Variants in VAMP1 observed in about 807,000 individuals in gnomAD.
The protein encoded by VAMP1 is vesicle associated membrane protein 1.
Under a neutral mutation model 19.1 loss-of-function variants are expected in VAMP1, and 16 were observed. That is an observed-to-expected ratio of 0.84 (90% CI 0.57 to 1.27). VAMP1 has a LOEUF of 1.27. Ranked by LOEUF, VAMP1 falls within the 50% of genes most tolerant of loss-of-function variation. The probability of loss-of-function intolerance (pLI) is 0.00; values close to 1 mark genes in which losing one functional copy is unlikely to be tolerated. For synonymous variants in VAMP1, 37 were observed against 50.2 expected, an observed-to-expected ratio of 0.74 and a Z score of 1.11; for missense variants, 109 against 145.4, an observed-to-expected ratio of 0.75 and a Z score of 1.29.
At chr12:6,465,466 A>AGTGTGT (rs72418260) in intron 3 of VAMP1, 27,488 of 103,034 alleles carry the variant, frequency 0.27, 4,423 homozygotes, top group East Asian at 0.42. Flanking sequence ...GTGTATATAT[A>AGTGTGT]GTGTGTGTGT....
chr12:6,465,719 A>G, intron 3 of VAMP1, 123 bp downstream of exon 3: 7 of 1,339,926 alleles, frequency 5.2e-6, no homozygotes, highest in Non-Finnish European at 7.0e-6. Flanking sequence ...TTTCCTCCCA[A>G]GCGTTATGCT....
intron 2 of VAMP1, 28 bp downstream of exon 2, chr12:6,466,197 A>G (rs777205909): frequency 1.2e-6 from 2 of 1,613,892 alleles, no homozygotes; most frequent in Non-Finnish European, 1.7e-6. Flanking sequence ...AGATTTGGAA[A>G]CTTTCAGAGA....
At chr12:6,465,275 G>A in intron 3 of VAMP1, 1 of 415,310 alleles carries the variant, frequency 2.4e-6, no homozygotes, top group Non-Finnish European at 4.7e-6. Flanking sequence ...ACTGTGAAGT[G>A]TTCAGCTCAT....
Position 6,463,339 on chromosome 12 carries a change from G to A in VAMP1, c.*1131C>T. 1.7e-6 allele frequency: 2 copies of A among 1,170,684 alleles called. No individual in the cohort carries two copies. The highest frequency in any genetic ancestry group is 2.1e-6 in the Non-Finnish European group (2 of 940,884). The allele number at this position is 1,170,684 out of a possible 1,614,324, so 72.5% of individuals were successfully genotyped here. A position where few individuals can be genotyped will look rare whatever the true frequency, so the allele number is the denominator to read the frequency against. On this transcript the variant is annotated 3_prime_UTR_variant, in exon 5 of 5. Coordinates refer to ENST00000396308, the MANE Select transcript of VAMP1 (RefSeq NM_014231.5). This position sits in a 1 kb window ranked among gnomAD's most constrained non-coding sequence, Gnocchi z 4.0. Reference sequence around the variant, plus strand: ...CACGCCTCCCCCCAAGGTGGGGCTGGTGGGTCTACATGACTTCTCTGCATC... The same window carrying A: ...CACGCCTCCCCCCAAGGTGGGGCTGATGGGTCTACATGACTTCTCTGCATC...
rs1945749421 is a variant in VAMP1 at position 6,470,596 on chromosome 12, G to A, written c.-65C>T. On this transcript the variant is annotated 5_prime_UTR_variant, in exon 1 of 5. Coordinates refer to ENST00000396308, the MANE Select transcript of VAMP1 (RefSeq NM_014231.5). ...GGCTGCGGCGAGACACCCGGTGAGG[G>A]ACGCTGCGGCTGAAGTGGACGGAAC... The A allele has an allele frequency of 1.1e-5, 18 of 1,606,224 alleles. No individual in the cohort carries two copies. Among genetic ancestry groups the A allele is most frequent in the Non-Finnish European group, 1.4e-5 (17 of 1,174,120 alleles).
rs373183162 is a variant in VAMP1 at position 6,462,448 on chromosome 12, C to T, written c.*2022G>A. 2 of 493,680 alleles carry T rather than the reference C, an allele frequency of 4.1e-6. No individual in the cohort carries two copies. The highest frequency in any genetic ancestry group is 6.5e-5 in the East Asian group (2 of 30,662). The allele number at this position is 493,680 out of a possible 1,614,324, so 30.6% of individuals were successfully genotyped here. A position where few individuals can be genotyped will look rare whatever the true frequency, so the allele number is the denominator to read the frequency against. The stretch of plus-strand genomic sequence containing the variant: ...AAACCGAAGAACGGGATGTGGGAAG[C>T]TCAGCTTCATTTGACTGCAAAGTCC... On this transcript the variant is annotated 3_prime_UTR_variant, in exon 5 of 5. Transcript: ENST00000396308.
At chr12:6,470,420 C>G (rs1215288552) in intron 1 of VAMP1, 110 bp downstream of exon 1, 3 of 1,521,722 alleles carry the variant, frequency 2.0e-6, no homozygotes, top group African/African-American at 2.8e-5. Flanking sequence ...GTGGTAGTTC[C>G]CCGCGTTGCT....
rs750911197 is a variant in VAMP1, at chr12:6,466,287, CA to C, written c.66del (p.Gly23AlafsTer6). On this transcript the variant is annotated frameshift_variant, in exon 2 of 5. Coordinates refer to ENST00000396308, the MANE Select transcript of VAMP1 (RefSeq NM_014231.5). LOFTEE classifies it high-confidence loss of function. Reference sequence around the variant, plus strand: ...TTACTGGTCATGTTAGGAGGAGGGCCAGGGGGACCCCCACCTGGGGCAGTCC... The same window carrying C: ...TTACTGGTCATGTTAGGAGGAGGGCCGGGGGACCCCCACCTGGGGCAGTCC... ...TEGTAPGGGPPGPPPNMTSNR... is the reference protein window; with the variant it reads ...TEGTAPGGGPXGPPPNMTSNR... The C allele has an allele frequency of 2.5e-6, 4 of 1,614,188 alleles. No homozygotes were observed. Among genetic ancestry groups the C allele is most frequent in the Non-Finnish European group, 3.4e-6 (4 of 1,180,016 alleles).
In VAMP1 at chr12:6,462,631, G is replaced by A; in HGVS notation, c.*1839C>T. On this transcript the variant is annotated 3_prime_UTR_variant, in exon 5 of 5. Transcript: ENST00000396308. ...AACTACACCTGGTGAGCCTCAGAGG[G>A]ACAGAAACCCAGGAATGATTCCTGT... 1.5e-6 allele frequency: 1 copy of A among 653,068 alleles called. No homozygotes were observed. Among genetic ancestry groups the A allele is most frequent in the Non-Finnish European group, 2.6e-6 (1 of 381,990 alleles). 40.5% of individuals were successfully genotyped at this position (653,068 alleles called of 1,614,324 possible). A position where few individuals can be genotyped will look rare whatever the true frequency, so the allele number is the denominator to read the frequency against.
At position 6,463,063 on chromosome 12, in the gene VAMP1, C is replaced by CAAA; in HGVS notation, c.*1406_*1407insTTT. 6.5e-7 allele frequency: 1 copy of CAAA among 1,539,036 alleles called. No homozygotes were observed. The highest frequency in any genetic ancestry group is 2.0e-4 in the Middle Eastern group (1 of 4,916). ...CTCCTCCCCTTGCACCTGGGCTTATCCCACATTAATAGCCCATCCTGAAGC... is the reference window on the plus strand; with the variant it reads ...CTCCTCCCCTTGCACCTGGGCTTATCAAACCACATTAATAGCCCATCCTGAAGC... On this transcript the variant is annotated 3_prime_UTR_variant, in exon 5 of 5. Transcript: ENST00000396308. This position sits in a 1 kb window ranked among gnomAD's most constrained non-coding sequence, Gnocchi z 4.0.
chr12:6,468,644 C>A (rs1391738275), intron 1 of VAMP1, among the ~76,000 whole-genome samples: 1 of 152,170 alleles, frequency 6.6e-6, no homozygotes, highest in Admixed American at 6.5e-5. Flanking sequence ...AAAGAGAGAT[C>A]TTGGTTTACT....
rs1949937436 is a variant in VAMP1 at position 6,463,759 on chromosome 12, CACATGGGACTGCTTCTAGGATGGAA to C, written c.*686_*710del. ...AGAGAAAGCTCCTTCCAGCTAGAAG[CACATGGGACTGCTTCTAGGATGGAA>C]ACAAGTCCTGCTATTTTCACAATCC... is the stretch of plus-strand genomic sequence containing the variant. On this transcript the variant is annotated 3_prime_UTR_variant, in exon 5 of 5. Coordinates refer to ENST00000396308, the MANE Select transcript of VAMP1 (RefSeq NM_014231.5). The surrounding 1 kb of genome is among the most constrained non-coding windows in gnomAD (Gnocchi z 4.0). 1 of 1,168,158 alleles carries C rather than the reference CACATGGGACTGCTTCTAGGATGGAA, an allele frequency of 8.6e-7. No homozygotes were observed. Among genetic ancestry groups the C allele is most frequent in the African/African-American group, 1.6e-5 (1 of 61,830 alleles). The allele number at this position is 1,168,158 out of a possible 1,614,324, so 72.4% of individuals were successfully genotyped here.
intron 1 of VAMP1, among the ~76,000 whole-genome samples, chr12:6,467,681 C>A (rs1208078967): frequency 6.6e-6 from 1 of 152,244 alleles, no homozygotes; most frequent in African/African-American, 2.4e-5. Flanking sequence ...CAGGCCATGT[C>A]AGAAGCCTTC....
At position 6,464,009 on chromosome 12, in the gene VAMP1, C is replaced by A. The variant is rs1328425506; in HGVS notation, c.*461G>T. On this transcript the variant is annotated 3_prime_UTR_variant, in exon 5 of 5. Transcript: ENST00000396308. ...GCCTGGTCCAGGAAGGAAAGCTCCA[C>A]ATGACCAGGCAGTACTGAGTGAGCT... The A allele has an allele frequency of 4.6e-6, 6 of 1,292,574 alleles. No individual in the cohort carries two copies. The highest frequency in any genetic ancestry group is 6.1e-6 in the Non-Finnish European group (6 of 991,032). 80.1% of individuals were successfully genotyped at this position (1,292,574 alleles called of 1,614,324 possible).
intron 3 of VAMP1, chr12:6,465,366 A>ATATACATG (rs1299804795): frequency 2.1e-5 from 3 of 142,832 alleles, no homozygotes; most frequent in Non-Finnish European, 4.2e-5. Context: ...AAGTATATAT[A>ATATACATG]TATATAAATG....
chr12:6,470,548 G>A lies in VAMP1; in HGVS notation c.-17C>T. ...AACTCACATTTTTCTGACAGAGAGA[G>A]TGAGGGTCTGTTCCTCTCCGGAGGC... On this transcript the variant is annotated 5_prime_UTR_variant, in exon 1 of 5. Coordinates refer to ENST00000396308, the MANE Select transcript of VAMP1 (RefSeq NM_014231.5). The A allele has an allele frequency of 1.1e-5, 18 of 1,613,204 alleles. No individual in the cohort carries two copies. The highest frequency in any genetic ancestry group is 1.5e-5 in the Non-Finnish European group (18 of 1,179,754).
chr12:6,466,302 C>T lies in VAMP1; in HGVS notation c.52G>A (p.Gly18Ser). 6.2e-7 allele frequency: 1 copy of T among 1,614,182 alleles called. No homozygotes were observed. Among genetic ancestry groups the T allele is most frequent in the Non-Finnish European group, 8.5e-7 (1 of 1,180,006 alleles). Residue 18 changes from glycine (G) to serine (S), a missense_variant, in exon 2 of 5, where the codon GGT (glycine) becomes AGT (serine). Physicochemically the swap from Gly to Ser is moderately conservative, Grantham distance 56. Transcript: ENST00000396308. ...PAEGTEGTAP[G>S]GGPPGPPPNM... The stretch of plus-strand genomic sequence containing the variant: ...GGAGGAGGGCCAGGGGGACCCCCAC[C>T]TGGGGCAGTCCCTTCTGTCCCTTCA...
In VAMP1 at chr12:6,464,231, G is replaced by A; in HGVS notation, c.*239C>T. 5.9e-6 allele frequency: 9 copies of A among 1,515,284 alleles called. No homozygotes were observed. The highest frequency in any genetic ancestry group is 8.0e-6 in the Non-Finnish European group (9 of 1,131,804). The allele number at this position is 1,515,284 out of a possible 1,614,324, so 93.9% of individuals were successfully genotyped here. A position where few individuals can be genotyped will look rare whatever the true frequency, so the allele number is the denominator to read the frequency against. The stretch of plus-strand genomic sequence containing the variant: ...GAACTTGAGAGTACAGAAAAAGCAG[G>A]CAGGGAGGAGGCGCCAGCTGTTGCT... On this transcript the variant is annotated 3_prime_UTR_variant, in exon 5 of 5. Transcript: ENST00000396308.
chr12:6,462,926 A>G lies in VAMP1; in HGVS notation c.*1544T>C, dbSNP rs953549515. On this transcript the variant is annotated 3_prime_UTR_variant, in exon 5 of 5. Coordinates refer to ENST00000396308, the MANE Select transcript of VAMP1 (RefSeq NM_014231.5). ...TGAGCAATGAAATGCTGCTGCATGG[A>G]AAGTGGGCATCCAGACCCTGCCCAG... 3 of 1,561,764 alleles carry G rather than the reference A, an allele frequency of 1.9e-6. No homozygotes were observed. The highest frequency in any genetic ancestry group is 2.7e-5 in the African/African-American group (2 of 73,610).
Sources: gnomAD v4.1 joint callset for allele counts (sites outside exome capture counted in the v4.1 genomes callset) on GRCh38, gnomAD v4.1.1 for gene constraint, Gnocchi (gnomAD v3.1) non-coding constraint, MANE v1.5 for transcripts, NCBI Gene and HGNC (gene_info 2026-07-23, HGNC 2026-07-21) for gene names.